Variants in PPP3CB observed in about 807,000 individuals in gnomAD.
PPP3CB encodes protein phosphatase 3 catalytic subunit beta.
A neutral mutation model predicts 66.4 loss-of-function variants in PPP3CB; 8 were observed. The observed-to-expected ratio is 0.12, with a 90% CI of 0.07 to 0.22. PPP3CB has a LOEUF of 0.22. Ranked by LOEUF, PPP3CB falls within the 10% of genes least tolerant of loss-of-function variation. PPP3CB has a pLI of 1.00. For missense variants in PPP3CB, 319 were observed against 642.5 expected (o/e 0.50, Z 5.44); for synonymous variants, 208 against 221.2 (o/e 0.94, Z 0.53).
intron 9 of PPP3CB, among the ~76,000 whole-genome samples, chr10:73,461,118 G>A (rs895680949): frequency 6.6e-6 from 1 of 152,212 alleles, no homozygotes; most frequent in Non-Finnish European, 1.5e-5. Context: ...AGTGTGCCCA[G>A]GATGTAGGAC....
At chr10:73,454,343 A>G in intron 10 of PPP3CB, 69 bp downstream of exon 10, 1 of 1,234,218 alleles carries the variant, frequency 8.1e-7, no homozygotes, top group Non-Finnish European at 1.2e-6. Flanking sequence ...AATAGTGTGT[A>G]CTGAGGCTAG....
At chr10:73,446,146 C>A (rs902015299) in intron 11 of PPP3CB, among the ~76,000 whole-genome samples, 1 of 151,414 alleles carries the variant, frequency 6.6e-6, no homozygotes, top group African/African-American at 2.4e-5. Context: ...GCTCAGTCGC[C>A]CAGTCTGGAG....
intron 1 of PPP3CB, among the ~76,000 whole-genome samples, chr10:73,492,073 G>A (rs1369224683): frequency 6.6e-6 from 1 of 151,986 alleles, no homozygotes; most frequent in African/African-American, 2.4e-5. Flanking sequence ...TATAAGCAGG[G>A]CAACTGGCAA....
chr10:73,470,805 G>A, intron 7 of PPP3CB, 24 bp from the exon 8 acceptor site: 1 of 1,580,626 alleles, frequency 6.3e-7, no homozygotes. Context: ...AGCTTAATAT[G>A]CATCGTAAAG....
rs12254649 is a variant in PPP3CB, at chr10:73,474,538, T to C, written c.523+381A>G. 7.1e-3 allele frequency among the ~76,000 whole-genome samples: 1,072 copies of C among 151,966 alleles called. 16 individuals carry two copies. Among genetic ancestry groups the C allele is most frequent in the African/African-American group, 0.025 (1,022 of 41,434 alleles). ...ACCTCCGATTCCCAGGCTCAAGCGA[T>C]CCTCCCACCTCAGCCTCCTGAGCAG... On this transcript the variant is annotated intron_variant, in intron 4 of 13. Transcript: ENST00000360663.
intron 9 of PPP3CB, among the ~76,000 whole-genome samples, chr10:73,455,710 A>G (rs1225302282): frequency 6.6e-6 from 1 of 152,174 alleles, no homozygotes; most frequent in Non-Finnish European, 1.5e-5. Context: ...CTGGGACTAC[A>G]GGTGCCCGCC....
At chr10:73,452,602 A>T (rs1307728411) in intron 10 of PPP3CB, among the ~76,000 whole-genome samples, 1 of 152,008 alleles carries the variant, frequency 6.6e-6, no homozygotes, top group Admixed American at 6.6e-5. Context: ...AGGCTGAGGC[A>T]GGAGAATTGC....
chr10:73,495,393 T>C (rs1480620558), intron 1 of PPP3CB: 1 of 155,968 alleles, frequency 6.4e-6, no homozygotes, highest in Non-Finnish European at 1.4e-5. Flanking sequence ...GATTTCTGAC[T>C]GCTCACTGGC....
Position 73,438,080 on chromosome 10 carries a change from G to T in PPP3CB, c.*162C>A. 1 of 664,632 alleles carries T rather than the reference G, an allele frequency of 1.5e-6. No homozygotes were observed. The highest frequency in any genetic ancestry group is 2.5e-6 in the Non-Finnish European group (1 of 405,676). The allele number at this position is 664,632 out of a possible 1,614,324, so 41.2% of individuals were successfully genotyped here. ...CTTATCAGATAGCACATGTCCCAGG[G>T]CCCTCAAGCCTCCATCCAGGAAGGG... On this transcript the variant is annotated 3_prime_UTR_variant, in exon 14 of 14. Coordinates refer to ENST00000360663, the MANE Select transcript of PPP3CB (RefSeq NM_021132.4).
At chr10:73,453,312 A>G (rs1159636315) in intron 10 of PPP3CB, among the ~76,000 whole-genome samples, 1 of 151,332 alleles carries the variant, frequency 6.6e-6, no homozygotes, top group Non-Finnish European at 1.5e-5. Context: ...GGAGGAAAAT[A>G]AAAGCTATTA....
intron 4 of PPP3CB, among the ~76,000 whole-genome samples, chr10:73,472,320 C>T (rs947880067): frequency 6.6e-6 from 1 of 152,070 alleles, no homozygotes; most frequent in Non-Finnish European, 1.5e-5. Flanking sequence ...CATGGCAGAA[C>T]ACTGTCTCTA....
At chr10:73,495,719 C>A in intron 1 of PPP3CB, 86 bp downstream of exon 1, 2 of 1,491,724 alleles carry the variant, frequency 1.3e-6, no homozygotes, top group East Asian at 3.0e-5. Context: ...CCTTCCGGGC[C>A]CACTCCCGAG....
At chr10:73,472,353 G>C (rs1263619049) in intron 4 of PPP3CB, among the ~76,000 whole-genome samples, 1 of 152,096 alleles carries the variant, frequency 6.6e-6, no homozygotes. Context: ...AAATTAGCCA[G>C]GCATGCTGGT....
chr10:73,444,582 T>C (rs2056215365), intron 12 of PPP3CB, 143 bp downstream of exon 12: 1 of 1,552,050 alleles, frequency 6.4e-7, no homozygotes, highest in Admixed American at 2.0e-5. Context: ...CACTAGCTAA[T>C]ACAGTACCCT....
At chr10:73,452,451 T>C (rs546910652) in intron 10 of PPP3CB, among the ~76,000 whole-genome samples, 10 of 152,228 alleles carry the variant, frequency 6.6e-5, no homozygotes, top group African/African-American at 2.4e-4. Flanking sequence ...ATCCTAACAC[T>C]TTGGGAGGCA....
chr10:73,437,475 A>G lies in PPP3CB; in HGVS notation c.*767T>C, dbSNP rs2056086665. On this transcript the variant is annotated 3_prime_UTR_variant, in exon 14 of 14. Transcript: ENST00000360663. ...ATTAAAATTTACTTTGACAATGTAC[A>G]AACTTCTTTTAAAGTACCTTAAATG... 6.5e-6 allele frequency: 1 copy of G among 152,708 alleles called. No individual in the cohort carries two copies. 9.5% of individuals were successfully genotyped at this position (152,708 alleles called of 1,614,324 possible).
intron 1 of PPP3CB, among the ~76,000 whole-genome samples, chr10:73,482,663 G>A (rs932826539): frequency 1.5e-4 from 22 of 151,288 alleles, no homozygotes; most frequent in Non-Finnish European, 1.5e-5. Flanking sequence ...TGTCTCCCAG[G>A]CTGGAATGCA....
At chr10:73,446,429 T>C (rs2132785775) in intron 11 of PPP3CB, 63 bp downstream of exon 11, 3 of 1,503,382 alleles carry the variant, frequency 2.0e-6, no homozygotes, top group Non-Finnish European at 1.8e-6. Flanking sequence ...GGGACAATGC[T>C]TGTAACAAGG....
intron 9 of PPP3CB, 167 bp downstream of exon 9, chr10:73,467,386 C>T (rs1421965212): frequency 2.3e-6 from 1 of 442,750 alleles, no homozygotes; most frequent in Non-Finnish European, 3.7e-6. Context: ...AAACAGCTAA[C>T]TAAAATATCT....
Sources: allele counts gnomAD v4.1 joint callset (sites outside exome capture counted in the v4.1 genomes callset), GRCh38; gene constraint gnomAD v4.1.1; transcripts MANE v1.5; gene names NCBI Gene and HGNC (gene_info 2026-07-23, HGNC 2026-07-21).